The following IL17RC variants were observed in gnomAD, a reference collection of about 807,000 sequenced individuals.
IL17RC encodes interleukin-17 receptor C.
Under a neutral mutation model 86.7 loss-of-function variants are expected in IL17RC, and 53 were observed. The observed-to-expected ratio is 0.61, with a 90% CI of 0.49 to 0.77. The LOEUF (loss-of-function observed/expected upper bound fraction) is 0.77. Ranked by LOEUF, IL17RC falls within the 30% of genes least tolerant of loss-of-function variation. The pLI is 0.00. For synonymous variants in IL17RC, 439 were observed against 413.1 expected (o/e 1.06, Z -0.76); for missense variants, 957 against 940.0 (o/e 1.02, Z -0.24).
chr3:9,920,638 T>C (rs1193502442), intron 6 of IL17RC, 36 bp downstream of exon 6: 1 of 1,385,792 alleles, frequency 7.2e-7, no homozygotes, highest in East Asian at 2.4e-5. Context: ...CCCTAGCCTC[T>C]GTCCCCTCTG....
In IL17RC at chr3:9,928,251, G is replaced by T. The variant is rs1242016498; in HGVS notation, c.877+31G>T. ...CCGACCGGCCTGGGGCTGGGGTTGGGGTGTTGCGAGCGATGGGTACCTGGC... is the reference window on the plus strand; with the variant it reads ...CCGACCGGCCTGGGGCTGGGGTTGGTGTGTTGCGAGCGATGGGTACCTGGC... On this transcript the variant is annotated intron_variant, in intron 10 of 18. Transcript: ENST00000403601. The T allele has an allele frequency of 2.2e-6, 3 of 1,373,122 alleles. No homozygotes were observed. The highest frequency in any genetic ancestry group is 2.9e-6 in the Non-Finnish European group (3 of 1,040,550). 85.1% of individuals were successfully genotyped at this position (1,373,122 alleles called of 1,614,324 possible).
chr3:9,930,965 T>A lies in IL17RC; in HGVS notation c.1387+22T>A. On this transcript the variant is annotated intron_variant, in intron 16 of 18. Transcript: ENST00000403601. The surrounding 1 kb of genome is among the most constrained non-coding windows in gnomAD (Gnocchi z 5.8). ...AAATGTGAGTATTGTAAGAACTGCC[T>A]TTCCTTTCTGTACCAGGAGTGGGGA... The A allele has an allele frequency of 6.2e-7, 1 of 1,607,144 alleles. No individual in the cohort carries two copies. The highest frequency in any genetic ancestry group is 1.1e-5 in the South Asian group (1 of 90,944).
chr3:9,929,552 G>T, intron 12 of IL17RC: 3 of 436,608 alleles, frequency 6.9e-6, no homozygotes, highest in Non-Finnish European at 4.2e-6. Context: ...ATTTTTAGCA[G>T]GGTGGTCATG....
rs749511204 is a variant in IL17RC at position 9,933,105 on chromosome 3, C to A, written c.1675C>A (p.Pro559Thr). The change falls in exon 19 of 19, where the codon CCC (proline) becomes ACC (threonine). Residue 559 changes from proline to threonine, a missense_variant. By Grantham distance (38) the Pro-to-Thr change is conservative. Transcript: ENST00000403601. ...WSRRELSAQG[P>T]VAWFHAQRRQ... ...CCGTCGTGAACTGAGCGCGCAGGGG[C>A]CCGTGGCTTGGTTTCACGCGCAGCG... is the stretch of plus-strand genomic sequence containing the variant. The A allele has an allele frequency of 2.5e-6, 4 of 1,577,048 alleles. No individual in the cohort carries two copies. Among genetic ancestry groups the A allele is most frequent in the Non-Finnish European group, 3.4e-6 (4 of 1,167,322 alleles).
rs760007478 is a variant in IL17RC at position 9,917,566 on chromosome 3, G to A, written c.105+146G>A. The A allele has an allele frequency of 1.3e-5, 21 of 1,614,026 alleles. No individual in the cohort carries two copies. The highest frequency in any genetic ancestry group is 3.3e-4 in the Middle Eastern group (2 of 6,080). On this transcript the variant is annotated intron_variant, in intron 1 of 18. Coordinates refer to ENST00000403601, the MANE Select transcript of IL17RC (RefSeq NM_153460.4). ...GGTGCTGATGGTAGAAGAGAAGAAC[G>A]GGGAAGGGGCAAGAGCTGGGTCTGT...
At chr3:9,926,299 T>C (rs973452151) in intron 9 of IL17RC, among the ~76,000 whole-genome samples, 1 of 152,206 alleles carries the variant, frequency 6.6e-6, no homozygotes, top group Non-Finnish European at 1.5e-5. Flanking sequence ...CCCAAAGTGC[T>C]GGGATTACAG....
Position 9,933,129 on chromosome 3 carries a change from C to A in IL17RC, c.1699C>A (p.Arg567=), listed in dbSNP as rs1247816818. Residue 567 remains arginine (R), a synonymous_variant, in exon 19 of 19, where the codon CGG becomes AGG. Transcript: ENST00000403601. ...GCCCGTGGCTTGGTTTCACGCGCAGCGGCGCCAGACCCTGCAGGAGGGCGG... is the reference window on the plus strand; with the variant it reads ...GCCCGTGGCTTGGTTTCACGCGCAGAGGCGCCAGACCCTGCAGGAGGGCGG... The part of the protein sequence containing the change: ...QGPVAWFHAQ[R]RQTLQEGGVV... The A allele has an allele frequency of 6.9e-6, 11 of 1,589,080 alleles. No homozygotes were observed. The highest frequency in any genetic ancestry group is 7.7e-6 in the Non-Finnish European group (9 of 1,171,862).
chr3:9,925,583 T>G (rs575197024), intron 9 of IL17RC, among the ~76,000 whole-genome samples: 20 of 152,188 alleles, frequency 1.3e-4, no homozygotes, highest in African/African-American at 4.8e-4. Flanking sequence ...CCCATCACTT[T>G]CCTGGCATTC....
intron 13 of IL17RC, 57 bp downstream of exon 13, chr3:9,929,954 G>A (rs1298018094): frequency 6.2e-6 from 10 of 1,613,660 alleles, no homozygotes; most frequent in Non-Finnish European, 7.6e-6. Flanking sequence ...TGAAGGTCAG[G>A]GCATGGGAGG....
chr3:9,918,209 C>G, intron 3 of IL17RC, 126 bp from the exon 4 acceptor site: 1 of 1,309,526 alleles, frequency 7.6e-7, no homozygotes, highest in Non-Finnish European at 1.1e-6. Flanking sequence ...GAAGGACCCC[C>G]AGGCCAGTGT....
Position 9,933,526 on chromosome 3 carries a change from C to A in IL17RC, c.2096C>A (p.Pro699Gln). The A allele has an allele frequency of 2.5e-6, 4 of 1,607,430 alleles. No individual in the cohort carries two copies. The highest frequency in any genetic ancestry group is 3.4e-6 in the Non-Finnish European group (4 of 1,177,452). The part of the protein sequence containing the change: ...QPALDSYFHP[P>Q]GTPAPGRGVG... ...GCCCTGGATAGCTACTTCCATCCCCCGGGGACTCCCGCGCCGGGACGCGGG... is the reference window on the plus strand; with the variant it reads ...GCCCTGGATAGCTACTTCCATCCCCAGGGGACTCCCGCGCCGGGACGCGGG... Residue 699 changes from proline (P) to glutamine (Q), a missense_variant, in exon 19 of 19, where the codon CCG (proline) becomes CAG (glutamine). Coordinates refer to ENST00000403601, the MANE Select transcript of IL17RC (RefSeq NM_153460.4).
intron 9 of IL17RC, among the ~76,000 whole-genome samples, chr3:9,927,602 G>A (rs1483601531): frequency 6.6e-6 from 1 of 151,734 alleles, no homozygotes; most frequent in East Asian, 1.9e-4. Context: ...AAGGTCTCTT[G>A]TGCTTGCCAT....
chr3:9,925,917 T>A (rs73013496), intron 9 of IL17RC, among the ~76,000 whole-genome samples: 16,859 of 150,810 alleles, frequency 0.11, 1,161 homozygotes, highest in African/African-American at 0.17. Context: ...TAGAGTGCAG[T>A]GGCATGAACA....
rs1027837891 is a variant in IL17RC, at chr3:9,928,735, T to C, written c.1110+105T>C. The C allele has an allele frequency of 5.0e-6, 6 of 1,203,832 alleles. No individual in the cohort carries two copies. The African/African-American group carries it at 6.1e-5, about 12-fold the overall frequency. The allele number at this position is 1,203,832 out of a possible 1,614,324, so 74.6% of individuals were successfully genotyped here. On this transcript the variant is annotated intron_variant, in intron 12 of 18. Transcript: ENST00000403601. The stretch of plus-strand genomic sequence containing the variant: ...CCGCTAAAGCATAGTGGTTGCCAGC[T>C]TCCTCTATGGGAGTTCCACTGCCTA...
chr3:9,928,616 A>G lies in IL17RC; in HGVS notation c.1096A>G (p.Asn366Asp). 1 of 1,613,668 alleles carries G rather than the reference A, an allele frequency of 6.2e-7. No individual in the cohort carries two copies. Among genetic ancestry groups the G allele is most frequent in the Non-Finnish European group, 8.5e-7 (1 of 1,179,984 alleles). ...GTTCCCATTGCTGAAAGGCCACCCT[A>G]ACCTCTGTGTTCAGGTCAGAAAGGG... The part of the protein sequence containing the change: ...LEFPLLKGHP[N>D]LCVQVNSSEK... The change falls in exon 12 of 19, where the codon AAC becomes GAC. Residue 366 changes from asparagine (N) to aspartate (D), a missense_variant. Transcript: ENST00000403601.
Position 9,933,362 on chromosome 3 carries a change from C to T in IL17RC, c.1932C>T (p.Pro644=), listed in dbSNP as rs1473869545. ...FDRLLHPDAV[P]ALFRTVPVFT... is the part of the protein sequence containing the mutation. ...GGCTGCTCCACCCGGACGCCGTACC[C>T]GCCCTTTTCCGCACCGTGCCCGTCT... Residue 644 remains proline, a synonymous_variant, in exon 19 of 19, where the codon CCC becomes CCT. Transcript: ENST00000403601. 3 of 1,612,060 alleles carry T rather than the reference C, an allele frequency of 1.9e-6. No homozygotes were observed. In the South Asian group the frequency reaches 3.3e-5, roughly 18 times the overall value.
rs371746550 is a variant in IL17RC at position 9,917,980 on chromosome 3, C to A, written c.185C>A (p.Ala62Glu). The A allele has an allele frequency of 6.2e-7, 1 of 1,613,800 alleles. No individual in the cohort carries two copies. Among genetic ancestry groups the A allele is most frequent in the East Asian group, 2.2e-5 (1 of 44,876 alleles). Residue 62 changes from alanine (A) to glutamate (E), a missense_variant, in exon 3 of 19, where the codon GCG becomes GAG. By Grantham distance (107) the Ala-to-Glu change is moderately radical. Coordinates refer to ENST00000403601, the MANE Select transcript of IL17RC (RefSeq NM_153460.4). ...GTGCCTGCTCCGGGCCCCGTGCTGG[C>A]GCCTACGCACCTGCAGACAGAGCTG... ...DIVPAPGPVL[A>E]PTHLQTELVL...
At position 9,917,997 on chromosome 3, in the gene IL17RC, A is replaced by T. The variant is rs1051143820; in HGVS notation, c.202A>T (p.Thr68Ser). 6.2e-7 allele frequency: 1 copy of T among 1,613,868 alleles called. No homozygotes were observed. The highest frequency in any genetic ancestry group is 8.5e-7 in the Non-Finnish European group (1 of 1,179,924). The change falls in exon 3 of 19, where the codon ACA becomes TCA. Residue 68 changes from threonine to serine, a missense_variant. Thr to Ser is a moderately conservative substitution (Grantham distance 58, BLOSUM62 1). Transcript: ENST00000403601. ...CGTGCTGGCGCCTACGCACCTGCAGACAGAGCTGGTGCTGAGGTGCCAGAA... is the reference window on the plus strand; with the variant it reads ...CGTGCTGGCGCCTACGCACCTGCAGTCAGAGCTGGTGCTGAGGTGCCAGAA... ...GPVLAPTHLQ[T>S]ELVLRCQKET...
chr3:9,927,777 C>T (rs2084228008), intron 9 of IL17RC, among the ~76,000 whole-genome samples: 2 of 151,968 alleles, frequency 1.3e-5, no homozygotes, highest in Admixed American at 1.3e-4. Context: ...CCCATCTCTA[C>T]TAAAAATACA....
Sources: gnomAD v4.1 joint callset for allele counts (sites outside exome capture counted in the v4.1 genomes callset) on GRCh38, gnomAD v4.1.1 for gene constraint, Gnocchi (gnomAD v3.1) non-coding constraint, MANE v1.5 for transcripts, NCBI Gene and HGNC (gene_info 2026-07-23, HGNC 2026-07-21) for gene names.